CBFA2T2: variants seen among roughly 807,000 people sequenced by gnomAD.
CBFA2T2 encodes the protein protein CBFA2T2.
In CBFA2T2, 11 loss-of-function variants were observed where a neutral mutation model predicts 62.2. The ratio of observed to expected loss-of-function variants is 0.18; its 90% CI spans 0.11 to 0.29. CBFA2T2 has a LOEUF of 0.29. Ranked by LOEUF, CBFA2T2 falls within the 10% of genes least tolerant of loss-of-function variation. CBFA2T2 has a pLI of 1.00. For synonymous variants in CBFA2T2, 295 were observed against 287.5 expected, an observed-to-expected ratio of 1.03 and a Z score of -0.27; for missense variants, 592 against 774.1, an observed-to-expected ratio of 0.76 and a Z score of 2.79.
chr20:33,547,958 T>C (rs745896779), intron 1 of CBFA2T2, among the ~76,000 whole-genome samples: 3 of 152,110 alleles, frequency 2.0e-5, no homozygotes, highest in Non-Finnish European at 2.9e-5. Flanking sequence ...TTTCTTTTTG[T>C]GGAGAATGGG....
In CBFA2T2 at chr20:33,562,376, AAG is replaced by A. The variant is rs370083467; in HGVS notation, c.35-44572_35-44571del. On this transcript the variant is annotated intron_variant, in intron 1 of 10. Coordinates refer to ENST00000342704, the MANE Select transcript of CBFA2T2 (RefSeq NM_001032999.3). ...AGAGGAAGCAGGAGGGAGGGAGAAA[AAG>A]AGAGAGACTGACTGTATCTGGGGAT... The A allele has an allele frequency of 1.1e-5, 11 of 986,026 alleles. No homozygotes were observed. In the East Asian group the frequency reaches 9.1e-4, roughly 81 times the overall value. 61.1% of individuals were successfully genotyped at this position (986,026 alleles called of 1,614,324 possible). A position where few individuals can be genotyped will look rare whatever the true frequency, so the allele number is the denominator to read the frequency against.
At chr20:33,596,720 A>G (rs993222690) in intron 1 of CBFA2T2, among the ~76,000 whole-genome samples, 1 of 152,218 alleles carries the variant, frequency 6.6e-6, no homozygotes, top group East Asian at 1.9e-4. Context: ...TTCCCACCCC[A>G]GGCCTCAGCT....
At chr20:33,546,186 T>C (rs542293421) in intron 1 of CBFA2T2, among the ~76,000 whole-genome samples, 1 of 152,290 alleles carries the variant, frequency 6.6e-6, no homozygotes, top group South Asian at 2.1e-4. Context: ...TTTTCTTTAC[T>C]TTTTCCTGAA....
chr20:33,572,668 C>CGAT (rs2013621549), intron 1 of CBFA2T2, among the ~76,000 whole-genome samples: 1 of 151,910 alleles, frequency 6.6e-6, no homozygotes, highest in East Asian at 1.9e-4. Flanking sequence ...GAAAAATGGC[C>CGAT]GATGTAGATA....
At chr20:33,570,560 AT>A (rs1451452292) in intron 1 of CBFA2T2, among the ~76,000 whole-genome samples, 1 of 152,182 alleles carries the variant, frequency 6.6e-6, no homozygotes, top group Non-Finnish European at 1.5e-5. Context: ...GTGTACTTTG[AT>A]TTGAAGTTTG....
chr20:33,491,672 C>T (rs1285006502), intron 1 of CBFA2T2, among the ~76,000 whole-genome samples: 1 of 151,820 alleles, frequency 6.6e-6, no homozygotes, highest in African/African-American at 2.4e-5. Context: ...CTCTTTTAGG[C>T]TTGCAAAGGT....
At chr20:33,623,376 T>G in intron 5 of CBFA2T2, 80 bp downstream of exon 5, 1 of 1,517,632 alleles carries the variant, frequency 6.6e-7, no homozygotes, top group Non-Finnish European at 9.1e-7. Context: ...AGAGAGAATT[T>G]GATTGCTGTG....
intron 1 of CBFA2T2, among the ~76,000 whole-genome samples, chr20:33,555,897 A>T (rs1343955942): frequency 1.3e-5 from 2 of 151,926 alleles, no homozygotes; most frequent in African/African-American, 2.4e-5. Context: ...ACAGGGTCTC[A>T]TTCTGGTGCC....
chr20:33,593,772 A>G (rs2014767994), intron 1 of CBFA2T2, among the ~76,000 whole-genome samples: 1 of 125,440 alleles, frequency 8.0e-6, no homozygotes, highest in African/African-American at 3.4e-5. Context: ...GTAAAAAGCT[A>G]CCATTCACTC....
Position 33,621,287 on chromosome 20 carries a change from C to CTTTTTTTTTTTTTTTTTTTTTTTTTTTTT in CBFA2T2, c.510+1707_510+1708insTTTTTTTTTTTTTTTTTTTTTTTTTTTTT, listed in dbSNP as rs199805350. Among the ~76,000 whole-genome samples the CTTTTTTTTTTTTTTTTTTTTTTTTTTTTT allele has an allele frequency of 5.5e-4, 47 of 85,290 alleles. 2 individuals are homozygous for CTTTTTTTTTTTTTTTTTTTTTTTTTTTTT. The highest frequency in any genetic ancestry group is 1.7e-3 in the East Asian group (4 of 2,418). The allele number at this position is 85,290 out of a possible 152,430, so 56.0% of individuals were successfully genotyped here. A position where few individuals can be genotyped will look rare whatever the true frequency, so the allele number is the denominator to read the frequency against. On this transcript the variant is annotated intron_variant, in intron 4 of 10. Coordinates refer to ENST00000342704, the MANE Select transcript of CBFA2T2 (RefSeq NM_001032999.3). ...TCTATAATACCTTTAATTTTACTGCCTTTTTTTTTTTTTTTTTTTTTTTTT... is the reference window on the plus strand; with the variant it reads ...TCTATAATACCTTTAATTTTACTGCCTTTTTTTTTTTTTTTTTTTTTTTTTTTTTTTTTTTTTTTTTTTTTTTTTTTTTT...
chr20:33,612,833 G>A (rs1272198348), intron 3 of CBFA2T2, among the ~76,000 whole-genome samples: 1 of 152,196 alleles, frequency 6.6e-6, no homozygotes, highest in Non-Finnish European at 1.5e-5. Flanking sequence ...GGTGGCTCAC[G>A]CCTGTAATTT....
intron 1 of CBFA2T2, among the ~76,000 whole-genome samples, chr20:33,517,448 T>C (rs910010277): frequency 6.8e-6 from 1 of 147,008 alleles, no homozygotes; most frequent in Non-Finnish European, 1.5e-5. Flanking sequence ...TTGGTTTTTT[T>C]GGTGTTTTTT....
chr20:33,551,143 C>T (rs1271089220), intron 1 of CBFA2T2, among the ~76,000 whole-genome samples: 4 of 151,992 alleles, frequency 2.6e-5, no homozygotes, highest in Admixed American at 6.6e-5. Flanking sequence ...AACTGTATAT[C>T]CCTTACTTAA....
rs142861753 is a variant in CBFA2T2 at position 33,510,770 on chromosome 20, T to C, written c.34+20469T>C. ...CCCACCCACAGTGTAAAAGCATTCC[T>C]ATTTCTCCACATCCTCTCCAGCATC... On this transcript the variant is annotated intron_variant, in intron 1 of 10. Transcript: ENST00000342704. Among the ~76,000 whole-genome samples the C allele has an allele frequency of 5.6e-3, 850 of 152,348 alleles. 5 individuals are homozygous for C. The highest frequency in any genetic ancestry group is 0.019 in the African/African-American group (794 of 41,580).
intron 1 of CBFA2T2, among the ~76,000 whole-genome samples, chr20:33,508,205 C>T (rs757854245): frequency 6.6e-6 from 1 of 152,110 alleles, no homozygotes; most frequent in Non-Finnish European, 1.5e-5. Context: ...AGTGATTCTC[C>T]TGCCTCAGCC....
intron 1 of CBFA2T2, among the ~76,000 whole-genome samples, chr20:33,531,275 C>T (rs2012052993): frequency 6.6e-6 from 1 of 152,116 alleles, no homozygotes; most frequent in Non-Finnish European, 1.5e-5. Flanking sequence ...AAACTGTAAG[C>T]ACATTGATCT....
At chr20:33,570,131 A>C (rs912996806) in intron 1 of CBFA2T2, among the ~76,000 whole-genome samples, 2 of 152,160 alleles carry the variant, frequency 1.3e-5, no homozygotes, top group African/African-American at 4.8e-5. Flanking sequence ...ATACAAAGAA[A>C]CTAGCCAGGT....
chr20:33,530,864 TG>T (rs1311559736), intron 1 of CBFA2T2, among the ~76,000 whole-genome samples: 1 of 152,076 alleles, frequency 6.6e-6, no homozygotes, highest in African/African-American at 2.4e-5. Flanking sequence ...GCGGATCATT[TG>T]AGGTCAGGAG....
At chr20:33,571,174 G>T (rs192055560) in intron 1 of CBFA2T2, among the ~76,000 whole-genome samples, 5 of 152,112 alleles carry the variant, frequency 3.3e-5, no homozygotes, top group Non-Finnish European at 5.9e-5. Flanking sequence ...GGGTCTGGAG[G>T]GGGGACAGAG....
Sources: gnomAD v4.1 joint callset for allele counts (sites outside exome capture counted in the v4.1 genomes callset) on GRCh38, gnomAD v4.1.1 for gene constraint, MANE v1.5 for transcripts, NCBI Gene and HGNC (gene_info 2026-07-23, HGNC 2026-07-21) for gene names.